Variants in CADPS2 observed in about 807,000 individuals in gnomAD.
CADPS2 encodes the protein calcium dependent secretion activator 2.
A neutral mutation model predicts 172.5 loss-of-function variants in CADPS2; 93 were observed. The observed-to-expected ratio is 0.54, with a 90% CI of 0.46 to 0.64. The LOEUF (loss-of-function observed/expected upper bound fraction) is 0.64. CADPS2 is among the 30% of genes least tolerant of loss of function. CADPS2 has a pLI of 0.00. For missense variants in CADPS2, 1,420 were observed against 1,565.9 expected, an observed-to-expected ratio of 0.91 and a Z score of 1.57; for synonymous variants, 546 against 555.2, an observed-to-expected ratio of 0.98 and a Z score of 0.23.
chr7:122,578,026 T>C (rs1168322602), intron 7 of CADPS2, among the ~76,000 whole-genome samples: 2 of 151,834 alleles, frequency 1.3e-5, no homozygotes, highest in Non-Finnish European at 2.9e-5. Flanking sequence ...AGGTTTTTTC[T>C]TTTAACTTAA....
intron 6 of CADPS2, among the ~76,000 whole-genome samples, chr7:122,588,050 A>AT (rs1468171786): frequency 2.0e-5 from 3 of 151,356 alleles, no homozygotes; most frequent in African/African-American, 4.9e-5. Context: ...CCACTTTTAA[A>AT]TTTTTTTTCT....
intron 7 of CADPS2, among the ~76,000 whole-genome samples, chr7:122,562,028 C>A (rs1278022190): frequency 1.3e-5 from 2 of 152,040 alleles, no homozygotes; most frequent in African/African-American, 4.8e-5. Context: ...TAAATTACTG[C>A]CAAAATTTGA....
chr7:122,640,132 A>T (rs902289736), intron 3 of CADPS2, among the ~76,000 whole-genome samples: 3 of 152,120 alleles, frequency 2.0e-5, no homozygotes, highest in Non-Finnish European at 4.4e-5. Flanking sequence ...CAAAACCTAC[A>T]TGTCATCTTC....
chr7:122,349,637 G>C (rs2038224943), intron 27 of CADPS2, among the ~76,000 whole-genome samples: 1 of 152,170 alleles, frequency 6.6e-6, no homozygotes, highest in Non-Finnish European at 1.5e-5. Flanking sequence ...CTCTGACACT[G>C]TATAAGTAAT....
At chr7:122,790,627 T>C (rs754143866) in intron 1 of CADPS2, among the ~76,000 whole-genome samples, 3 of 152,126 alleles carry the variant, frequency 2.0e-5, no homozygotes, top group Non-Finnish European at 4.4e-5. Flanking sequence ...GAATAAAACA[T>C]CCAACTTAAT....
chr7:122,479,126 G>A (rs911540075), intron 12 of CADPS2, among the ~76,000 whole-genome samples: 2 of 152,114 alleles, frequency 1.3e-5, no homozygotes, highest in African/African-American at 4.8e-5. Flanking sequence ...TCTGGTGTCT[G>A]GGAGTGGGAC....
intron 9 of CADPS2, among the ~76,000 whole-genome samples, chr7:122,506,724 A>G (rs1563539499): frequency 4.2e-5 from 4 of 95,098 alleles, no homozygotes; most frequent in Admixed American, 4.2e-4. Flanking sequence ...TGCTAGAGTT[A>G]TTTAAAAAAA....
At chr7:122,748,712 G>A (rs149016557) in intron 1 of CADPS2, among the ~76,000 whole-genome samples, 184 of 152,258 alleles carry the variant, frequency 1.2e-3, no homozygotes, top group African/African-American at 4.1e-3. Context: ...GAAGGCAAGG[G>A]ACTTTCAGCT....
chr7:122,580,452 C>CAAA (rs34849650), intron 7 of CADPS2, among the ~76,000 whole-genome samples: 9,919 of 133,194 alleles, frequency 0.074, 510 homozygotes, highest in African/African-American at 0.15. Context: ...GATTCTGTCT[C>CAAA]AAAAAAAAAA....
chr7:122,514,832 TAGAA>T (rs1334288090), intron 8 of CADPS2, among the ~76,000 whole-genome samples: 2 of 152,050 alleles, frequency 1.3e-5, no homozygotes, highest in Non-Finnish European at 2.9e-5. Context: ...ATTAATAACA[TAGAA>T]AGTATCACAT....
intron 1 of CADPS2, among the ~76,000 whole-genome samples, chr7:122,871,470 C>T (rs1384633829): frequency 6.6e-6 from 1 of 150,560 alleles, no homozygotes; most frequent in Non-Finnish European, 1.5e-5. Context: ...TATTCCCCCC[C>T]ACAAAAAAAA....
At chr7:122,719,396 C>A (rs1236742164) in intron 2 of CADPS2, among the ~76,000 whole-genome samples, 1 of 151,930 alleles carries the variant, frequency 6.6e-6, no homozygotes, top group Non-Finnish European at 1.5e-5. Flanking sequence ...ATCCCCCTAT[C>A]CTTCTGTTAA....
chr7:122,770,377 A>T (rs2093673516), intron 1 of CADPS2, among the ~76,000 whole-genome samples: 1 of 152,048 alleles, frequency 6.6e-6, no homozygotes, highest in Non-Finnish European at 1.5e-5. Context: ...ATTATTATTT[A>T]TTTTTTATTT....
chr7:122,417,925 T>C (rs886877282), intron 17 of CADPS2, among the ~76,000 whole-genome samples: 3 of 152,052 alleles, frequency 2.0e-5, no homozygotes, highest in Admixed American at 6.6e-5. Flanking sequence ...CCATTAGAAA[T>C]GGTACAGTTT....
At chr7:122,325,259 CTG>C (rs2033586044) in intron 29 of CADPS2, among the ~76,000 whole-genome samples, 2 of 152,058 alleles carry the variant, frequency 1.3e-5, no homozygotes, top group Admixed American at 1.3e-4. Context: ...TAATCTCAAA[CTG>C]TGAGTATTTG....
chr7:122,571,288 A>G (rs1454841653), intron 7 of CADPS2, among the ~76,000 whole-genome samples: 1 of 152,172 alleles, frequency 6.6e-6, no homozygotes, highest in African/African-American at 2.4e-5. Context: ...CCATAATGAA[A>G]TAACAATATA....
chr7:122,842,496 A>G (rs1810826982), intron 1 of CADPS2, among the ~76,000 whole-genome samples: 1 of 152,150 alleles, frequency 6.6e-6, no homozygotes, highest in Non-Finnish European at 1.5e-5. Context: ...TTTAACCACC[A>G]CAAAGACTTT....
intron 1 of CADPS2, among the ~76,000 whole-genome samples, chr7:122,819,490 A>C (rs1044003303): frequency 1.3e-5 from 2 of 152,070 alleles, no homozygotes; most frequent in Non-Finnish European, 2.9e-5. Context: ...TCCCCTTCTT[A>C]ATCAGTACAG....
intron 5 of CADPS2, among the ~76,000 whole-genome samples, chr7:122,616,722 C>T (rs746951180): frequency 4.4e-4 from 67 of 152,168 alleles, no homozygotes; most frequent in Non-Finnish European, 7.5e-4. Context: ...TTCTAATACT[C>T]ATCAGGGAAA....
Sources: allele counts gnomAD v4.1 joint callset (sites outside exome capture counted in the v4.1 genomes callset), GRCh38; gene constraint gnomAD v4.1.1; transcripts MANE v1.5; gene names NCBI Gene and HGNC (gene_info 2026-07-23, HGNC 2026-07-21).